CEP128: variants seen among roughly 807,000 people sequenced by gnomAD.
The protein encoded by CEP128 is centrosomal protein 128kDa.
In CEP128, 132 loss-of-function variants were observed where a neutral mutation model predicts 156.7. The observed-to-expected ratio is 0.84, with a 90% confidence interval of 0.73 to 0.97. CEP128 has a LOEUF of 0.97. Among genes scored for constraint, CEP128 ranks in the 50% least tolerant of loss-of-function variants. CEP128 has a pLI of 0.00. For synonymous variants in CEP128, 469 were observed against 448.9 expected, an observed-to-expected ratio of 1.04 and a Z score of -0.57; for missense variants, 1,252 against 1,281.9, an observed-to-expected ratio of 0.98 and a Z score of 0.36.
chr14:80,618,717 C>T (rs927525958), intron 19 of CEP128, among the ~76,000 whole-genome samples: 17 of 152,168 alleles, frequency 1.1e-4, no homozygotes, highest in African/African-American at 4.1e-4. Flanking sequence ...GACACTGGAA[C>T]TGAGATTCCT....
intron 19 of CEP128, among the ~76,000 whole-genome samples, chr14:80,733,060 T>A (rs1259011677): frequency 1.3e-5 from 2 of 152,140 alleles, no homozygotes; most frequent in Non-Finnish European, 2.9e-5. Flanking sequence ...AAAAAGCATA[T>A]TGCCTCCACA....
chr14:80,648,449 T>C (rs1038994710), intron 19 of CEP128, among the ~76,000 whole-genome samples: 4 of 152,146 alleles, frequency 2.6e-5, no homozygotes, highest in Non-Finnish European at 4.4e-5. Flanking sequence ...TGCATTTAAC[T>C]AAACTATAAT....
At chr14:80,676,147 G>T (rs1310298817) in intron 19 of CEP128, among the ~76,000 whole-genome samples, 3 of 152,028 alleles carry the variant, frequency 2.0e-5, no homozygotes, top group South Asian at 2.1e-4. Context: ...TTTTCAAAGA[G>T]CTGAACATCT....
intron 19 of CEP128, among the ~76,000 whole-genome samples, chr14:80,707,554 T>C (rs1420188018): frequency 6.6e-6 from 1 of 152,186 alleles, no homozygotes; most frequent in African/African-American, 2.4e-5. Flanking sequence ...ATAGATACAC[T>C]CATTGATAAC....
intron 13 of CEP128, among the ~76,000 whole-genome samples, chr14:80,802,409 C>A (rs1164533469): frequency 1.3e-5 from 2 of 151,996 alleles, no homozygotes; most frequent in Non-Finnish European, 2.9e-5. Context: ...AAGCTGGAAG[C>A]CATCCTCCTC....
At chr14:80,728,394 A>G (rs1898100367) in intron 19 of CEP128, among the ~76,000 whole-genome samples, 1 of 152,166 alleles carries the variant, frequency 6.6e-6, no homozygotes, top group East Asian at 1.9e-4. Context: ...TGAGGATGGA[A>G]AAACTACATA....
intron 3 of CEP128, among the ~76,000 whole-genome samples, chr14:80,915,978 C>G (rs922134558): frequency 1.3e-5 from 2 of 152,158 alleles, no homozygotes; most frequent in Non-Finnish European, 2.9e-5. Flanking sequence ...GAGAGATTCT[C>G]CTGGATTATT....
intron 8 of CEP128, among the ~76,000 whole-genome samples, chr14:80,864,045 G>C (rs527900338): frequency 2.0e-5 from 3 of 152,284 alleles, no homozygotes; most frequent in East Asian, 1.9e-4. Context: ...TTCTTCCTCA[G>C]CCTACTCAAC....
intron 19 of CEP128, among the ~76,000 whole-genome samples, chr14:80,690,838 A>T (rs1269524475): frequency 6.6e-6 from 1 of 152,218 alleles, no homozygotes; most frequent in Non-Finnish European, 1.5e-5. Flanking sequence ...ATGATTTAAT[A>T]GCTTAGAAAG....
intron 16 of CEP128, among the ~76,000 whole-genome samples, chr14:80,765,389 G>GTA (rs1900190063): frequency 6.6e-6 from 1 of 152,172 alleles, no homozygotes; most frequent in African/African-American, 2.4e-5. Context: ...TAGATTTAGA[G>GTA]GCATTCAAAT....
In CEP128 at chr14:80,530,827, T is replaced by C. The variant is rs1889190985; in HGVS notation, c.2940A>G (p.Glu980=). The change falls in exon 22 of 25, where the codon GAA becomes GAG. Residue 980 remains glutamate (E), a synonymous_variant. Transcript: ENST00000555265. ...ESVPEKLSLL[E]DFKDFRDSCS... ...TTCTCACTCTGAAGTCTTTGAAATC[T>C]TCTAGTAGGCTCAGTTTCTCAGGCA... is the stretch of plus-strand genomic sequence containing the variant. The C allele has an allele frequency of 6.2e-7, 1 of 1,606,056 alleles. No homozygotes were observed.
chr14:80,558,384 GTTCAAGCAA>G (rs1464502048), intron 21 of CEP128, among the ~76,000 whole-genome samples: 1 of 151,942 alleles, frequency 6.6e-6, no homozygotes, highest in Non-Finnish European at 1.5e-5. Flanking sequence ...TGCCTCCCAG[GTTCAAGCAA>G]TTCTCCTGCT....
At chr14:80,683,382 A>G (rs1458426151) in intron 19 of CEP128, among the ~76,000 whole-genome samples, 3 of 152,200 alleles carry the variant, frequency 2.0e-5, no homozygotes, top group South Asian at 4.1e-4. Context: ...AGGATGGTAC[A>G]TAAAGACAAA....
intron 24 of CEP128, among the ~76,000 whole-genome samples, chr14:80,500,888 A>C (rs917129946): frequency 2.0e-5 from 3 of 152,128 alleles, no homozygotes; most frequent in Non-Finnish European, 4.4e-5. Flanking sequence ...TAAGGATACT[A>C]TGACATTTCT....
intron 16 of CEP128, among the ~76,000 whole-genome samples, chr14:80,771,164 TGAC>T (rs914753931): frequency 1.3e-5 from 2 of 152,224 alleles, no homozygotes; most frequent in African/African-American, 2.4e-5. Context: ...ACAAAATCAT[TGAC>T]GACTCACATT....
At chr14:80,528,765 A>G (rs17530060) in intron 22 of CEP128, among the ~76,000 whole-genome samples, 5,090 of 152,290 alleles carry the variant, frequency 0.033, 123 homozygotes, top group Middle Eastern at 0.092. Flanking sequence ...GAATGCGGAC[A>G]TATCTCCTGA....
At chr14:80,908,683 T>A (rs1884029965) in intron 4 of CEP128, among the ~76,000 whole-genome samples, 1 of 152,242 alleles carries the variant, frequency 6.6e-6, no homozygotes, top group South Asian at 2.1e-4. Flanking sequence ...TATTCTCTTA[T>A]GCCTGTGTAT....
At chr14:80,825,541 C>T (rs1472524629) in intron 13 of CEP128, among the ~76,000 whole-genome samples, 1 of 152,050 alleles carries the variant, frequency 6.6e-6, no homozygotes, top group African/African-American at 2.4e-5. Flanking sequence ...AATGTATTAG[C>T]AATAAATACA....
intron 15 of CEP128, among the ~76,000 whole-genome samples, chr14:80,781,455 CAAA>C (rs67179008): frequency 1.1e-5 from 1 of 90,516 alleles, no homozygotes; most frequent in Non-Finnish European, 2.1e-5. Flanking sequence ...GACTCCGTCT[CAAA>C]AAAAAAAAAA....
Sources: gnomAD v4.1 joint callset for allele counts (sites outside exome capture counted in the v4.1 genomes callset) on GRCh38, gnomAD v4.1.1 for gene constraint, MANE v1.5 for transcripts, NCBI Gene and HGNC (gene_info 2026-07-23, HGNC 2026-07-21) for gene names.